Variants in HS3ST4 observed in about 807,000 individuals in gnomAD.
The protein encoded by HS3ST4 is heparan sulfate glucosamine 3-O-sulfotransferase 4.
In HS3ST4, 17 loss-of-function variants were observed where a neutral mutation model predicts 29.2. That is an observed-to-expected ratio of 0.58 (90% confidence interval 0.40 to 0.87). The LOEUF is 0.87. Ranked by LOEUF, HS3ST4 falls within the 40% of genes least tolerant of loss-of-function variation. The probability of loss-of-function intolerance (pLI) is 0.00; values close to 1 mark genes in which losing one functional copy is unlikely to be tolerated. For synonymous variants in HS3ST4, 314 were observed against 285.7 expected (o/e 1.10, Z -1.00); for missense variants, 627 against 634.5 (o/e 0.99, Z 0.13).
chr16:25,730,498 TTTCC>T (rs922998421), intron 1 of HS3ST4, among the ~76,000 whole-genome samples: 10 of 128,972 alleles, frequency 7.8e-5, no homozygotes, highest in Middle Eastern at 3.9e-3. Flanking sequence ...TTCCTTCTCT[TTTCC>T]TTCCTTCCTT....
At chr16:25,937,659 T>C (rs1400058835) in intron 1 of HS3ST4, among the ~76,000 whole-genome samples, 3 of 152,154 alleles carry the variant, frequency 2.0e-5, no homozygotes, top group Non-Finnish European at 4.4e-5. Flanking sequence ...CTGAGGACTT[T>C]CCAGAGTATG....
At chr16:25,715,859 G>A (rs1212077580) in intron 1 of HS3ST4, among the ~76,000 whole-genome samples, 2 of 152,212 alleles carry the variant, frequency 1.3e-5, no homozygotes, top group African/African-American at 4.8e-5. Flanking sequence ...GGGGCTTCCT[G>A]AGAAGTCCAG....
At chr16:25,713,389 G>A (rs571283092) in intron 1 of HS3ST4, among the ~76,000 whole-genome samples, 18 of 152,180 alleles carry the variant, frequency 1.2e-4, no homozygotes, top group South Asian at 4.2e-4. Context: ...TGAGCTGGGT[G>A]TGGTGGTGTG....
chr16:25,714,989 C>T lies in HS3ST4; in HGVS notation c.734+21838C>T, dbSNP rs186346259. ...ATTTCTAAGTTCTTGGGAGAGACCT[C>T]CATGTATTCCCCCATGTACTGATAG... is the stretch of plus-strand genomic sequence containing the variant. On this transcript the variant is annotated intron_variant, in intron 1 of 1. Transcript: ENST00000331351. Among the ~76,000 whole-genome samples, 452 of 152,336 alleles carry T rather than the reference C, an allele frequency of 3.0e-3. 9 individuals are homozygous for T. The highest frequency in any genetic ancestry group is 0.025 in the Admixed American group (375 of 15,306).
intron 1 of HS3ST4, among the ~76,000 whole-genome samples, chr16:25,719,514 G>T (rs1966478923): frequency 6.6e-6 from 1 of 152,222 alleles, no homozygotes; most frequent in African/African-American, 2.4e-5. Flanking sequence ...GATAGGTAGT[G>T]CTGGGATAGA....
At chr16:25,986,167 T>C (rs959338434) in intron 1 of HS3ST4, among the ~76,000 whole-genome samples, 1 of 152,230 alleles carries the variant, frequency 6.6e-6, no homozygotes, top group African/African-American at 2.4e-5. Context: ...CATTAATAAT[T>C]ATCTCTACCT....
rs1898879810 is a variant in HS3ST4, at chr16:26,093,274, A to G, written c.735-42338A>G. ...TGGCGTTTGAGCACTGAGAACGGAC[A>G]GACTGCCTCCTCAAGTGGGTCCCTG... is the stretch of plus-strand genomic sequence containing the variant. On this transcript the variant is annotated intron_variant, in intron 1 of 1. Coordinates refer to ENST00000331351, the MANE Select transcript of HS3ST4 (RefSeq NM_006040.3). 2.6e-5 allele frequency among the ~76,000 whole-genome samples: 4 copies of G among 152,186 alleles called. 1 individual carries two copies. Among genetic ancestry groups the G allele is most frequent in the Admixed American group, 1.3e-4 (2 of 15,286 alleles).
At chr16:25,763,306 A>G (rs1297566417) in intron 1 of HS3ST4, among the ~76,000 whole-genome samples, 5 of 152,196 alleles carry the variant, frequency 3.3e-5, no homozygotes, top group African/African-American at 1.2e-4. Flanking sequence ...CTGCATCTCC[A>G]GGATGGAAAA....
At chr16:25,814,588 G>T (rs1322488539) in intron 1 of HS3ST4, among the ~76,000 whole-genome samples, 1 of 152,132 alleles carries the variant, frequency 6.6e-6, no homozygotes, top group African/African-American at 2.4e-5. Flanking sequence ...CTTGTGATCC[G>T]CCTGCCTTGC....
At chr16:26,072,113 GCA>G (rs1382436524) in intron 1 of HS3ST4, among the ~76,000 whole-genome samples, 5 of 152,298 alleles carry the variant, frequency 3.3e-5, no homozygotes, top group African/African-American at 1.2e-4. Flanking sequence ...TGAAACTTCG[GCA>G]CCAGGAGGCT....
intron 1 of HS3ST4, among the ~76,000 whole-genome samples, chr16:25,722,127 C>G (rs1377904322): frequency 1.3e-5 from 2 of 152,196 alleles, no homozygotes; most frequent in Non-Finnish European, 2.9e-5. Flanking sequence ...AAGGATTCTA[C>G]TGGGAGTGGG....
intron 1 of HS3ST4, among the ~76,000 whole-genome samples, chr16:25,913,012 A>T (rs1386247558): frequency 6.6e-6 from 1 of 152,308 alleles, no homozygotes; most frequent in African/African-American, 2.4e-5. Flanking sequence ...TAATCTGTGA[A>T]TGGGGGTCTA....
chr16:26,063,844 T>G (rs1193114285), intron 1 of HS3ST4, among the ~76,000 whole-genome samples: 1 of 152,172 alleles, frequency 6.6e-6, no homozygotes, highest in Non-Finnish European at 1.5e-5. Flanking sequence ...ACACAGAATG[T>G]TGTTTGGATG....
chr16:25,727,387 G>A (rs1017176833), intron 1 of HS3ST4, among the ~76,000 whole-genome samples: 12 of 152,218 alleles, frequency 7.9e-5, no homozygotes, highest in African/African-American at 2.6e-4. Flanking sequence ...AGAGTGACAT[G>A]TAGTATACAT....
At chr16:25,901,688 G>C (rs1442236283) in intron 1 of HS3ST4, among the ~76,000 whole-genome samples, 2 of 55,104 alleles carry the variant, frequency 3.6e-5, no homozygotes, top group African/African-American at 1.6e-4. Flanking sequence ...GAAAAAAAAT[G>C]CTCTCTCATC....
intron 1 of HS3ST4, among the ~76,000 whole-genome samples, chr16:25,861,167 C>G (rs1967632458): frequency 6.6e-6 from 1 of 152,188 alleles, no homozygotes; most frequent in Non-Finnish European, 1.5e-5. Flanking sequence ...CTGATTTGAA[C>G]AGAGGCAGGG....
At chr16:25,909,425 C>T (rs1968214387) in intron 1 of HS3ST4, among the ~76,000 whole-genome samples, 1 of 151,974 alleles carries the variant, frequency 6.6e-6, no homozygotes, top group Non-Finnish European at 1.5e-5. Context: ...CTGGACATGC[C>T]CCAGGCCTTC....
At chr16:25,980,396 CTT>C (rs1968992279) in intron 1 of HS3ST4, among the ~76,000 whole-genome samples, 1 of 152,186 alleles carries the variant, frequency 6.6e-6, no homozygotes, top group African/African-American at 2.4e-5. Context: ...CTCTCACACT[CTT>C]TTTCCCTCTA....
chr16:25,854,717 T>C (rs578101858), intron 1 of HS3ST4, among the ~76,000 whole-genome samples: 4 of 152,206 alleles, frequency 2.6e-5, no homozygotes, highest in African/African-American at 9.6e-5. Flanking sequence ...CTTGTGGCTC[T>C]TTCCGTTATA....
Sources: allele counts gnomAD v4.1 joint callset (sites outside exome capture counted in the v4.1 genomes callset), GRCh38; gene constraint gnomAD v4.1.1; transcripts MANE v1.5; gene names NCBI Gene and HGNC (gene_info 2026-07-23, HGNC 2026-07-21).